Variants in NET1 observed in about 807,000 individuals in gnomAD.
The protein encoded by NET1 is neuroepithelial cell-transforming gene 1 protein.
A neutral mutation model predicts 61.1 loss-of-function variants in NET1; 42 were observed. That is an observed-to-expected ratio of 0.69 (90% CI 0.54 to 0.89). The LOEUF (loss-of-function observed/expected upper bound fraction) is 0.89, where lower values mean the gene tolerates loss of function less well. Among genes scored for constraint, NET1 ranks in the 40% least tolerant of loss-of-function variants. The pLI is 0.00. For synonymous variants in NET1, 254 were observed against 281.8 expected (o/e 0.90, Z 0.99); for missense variants, 654 against 747.3 (o/e 0.88, Z 1.46).
Position 5,421,800 on chromosome 10 carries a change from G to A in NET1, c.129-4855G>A, listed in dbSNP as rs1588424259. On this transcript the variant is annotated intron_variant, in intron 1 of 11. Transcript: ENST00000355029. The surrounding 1 kb of genome is among the most constrained non-coding windows in gnomAD (Gnocchi z 4.2). Reference sequence around the variant, plus strand: ...ATCCCTGCTCCCACCCCAGCCCTAGGCAGCCACTGATCTGCTTTCTAGCTC... The same window carrying A: ...ATCCCTGCTCCCACCCCAGCCCTAGACAGCCACTGATCTGCTTTCTAGCTC... Among the ~76,000 whole-genome samples, 1 of 152,060 alleles carries A rather than the reference G, an allele frequency of 6.6e-6. No homozygotes were observed. Among genetic ancestry groups the A allele is most frequent in the South Asian group, 2.1e-4 (1 of 4,820 alleles).
rs1832620015 is a variant in NET1 at position 5,446,785 on chromosome 10, C to G, written c.256-5045C>G. The G allele has an allele frequency of 6.2e-7, 1 of 1,607,446 alleles. No individual in the cohort carries two copies. Among genetic ancestry groups the G allele is most frequent in the Non-Finnish European group, 8.5e-7 (1 of 1,176,186 alleles). On this transcript the variant is annotated intron_variant, in intron 3 of 11. Coordinates refer to ENST00000355029, the MANE Select transcript of NET1 (RefSeq NM_001047160.3). The surrounding 1 kb of genome is among the most constrained non-coding windows in gnomAD (Gnocchi z 5.0). ...GGAAGCATGGTGGCACATGATGAGA[C>G]TGGAGGTCTCCTACCTATTAAAAGG...
At chr10:5,438,785 A>G (rs1402679068) in intron 3 of NET1, among the ~76,000 whole-genome samples, 1 of 152,260 alleles carries the variant, frequency 6.6e-6, no homozygotes, top group East Asian at 1.9e-4. Context: ...ACAAGAAAAG[A>G]AAACTATAGA....
Position 5,423,323 on chromosome 10 carries a change from A to G in NET1, c.129-3332A>G, listed in dbSNP as rs534290011. Among the ~76,000 whole-genome samples the G allele has an allele frequency of 4.9e-4, 74 of 152,336 alleles. 1 individual carries two copies. The highest frequency in any genetic ancestry group is 1.2e-3 in the South Asian group (6 of 4,826). ...GGAGGAGGTGGTGACACAAATCAGA[A>G]ACTCTGAAAACATAATTTGGCTTAA... On this transcript the variant is annotated intron_variant, in intron 1 of 11. Transcript: ENST00000355029. This position sits in a 1 kb window ranked among gnomAD's most constrained non-coding sequence, Gnocchi z 4.4.
rs1832752483 is a variant in NET1 at position 5,453,955 on chromosome 10, C to CT, written c.769-310_769-309insT. 6.6e-6 allele frequency among the ~76,000 whole-genome samples: 1 copy of CT among 152,160 alleles called. No individual in the cohort carries two copies. Among genetic ancestry groups the CT allele is most frequent in the East Asian group, 1.9e-4 (1 of 5,192 alleles). On this transcript the variant is annotated intron_variant, in intron 8 of 11. Transcript: ENST00000355029. The surrounding 1 kb of genome is among the most constrained non-coding windows in gnomAD (Gnocchi z 4.9). ...GTGAAGGAATAGCCAAGCACATAAA[C>CT]AGTCTCAGGGCTGGTGGCAAATGGA...
chr10:5,418,147 T>A (rs1832111680), intron 1 of NET1, among the ~76,000 whole-genome samples: 1 of 152,182 alleles, frequency 6.6e-6, no homozygotes, highest in Admixed American at 6.5e-5. Context: ...GTTTTGGTAT[T>A]GGGATAATAC....
chr10:5,414,671 TAAGA>T (rs1293895135), intron 1 of NET1, among the ~76,000 whole-genome samples: 1 of 152,192 alleles, frequency 6.6e-6, no homozygotes, highest in Non-Finnish European at 1.5e-5. Context: ...GATAGACTCT[TAAGA>T]AAGAATAAAT....
In NET1 at chr10:5,451,697, AACTCTT is replaced by A; in HGVS notation, c.256-129_256-124del. On this transcript the variant is annotated intron_variant, in intron 3 of 11. Transcript: ENST00000355029. The surrounding 1 kb of genome is among the most constrained non-coding windows in gnomAD (Gnocchi z 6.1). Reference sequence around the variant, plus strand: ...TCTTATTGTTTTGACAATGAAGAACAACTCTTACTTTCATGTTTCTGTATTTTATAA... The same window carrying A: ...TCTTATTGTTTTGACAATGAAGAACAACTTTCATGTTTCTGTATTTTATAA... 1.7e-6 allele frequency: 1 copy of A among 583,298 alleles called. No homozygotes were observed. Among genetic ancestry groups the A allele is most frequent in the Non-Finnish European group, 2.9e-6 (1 of 340,054 alleles). The allele number at this position is 583,298 out of a possible 1,614,324, so 36.1% of individuals were successfully genotyped here.
rs200860140 is a variant in NET1, at chr10:5,452,895, T to A, written c.569T>A (p.Ile190Asn). 1 of 1,613,370 alleles carries A rather than the reference T, an allele frequency of 6.2e-7. No homozygotes were observed. Among genetic ancestry groups the A allele is most frequent in the Non-Finnish European group, 8.5e-7 (1 of 1,179,418 alleles). The change falls in exon 6 of 12, where the codon ATT (isoleucine) becomes AAT (asparagine). Residue 190 changes from isoleucine to asparagine, a missense_variant. Transcript: ENST00000355029. This position sits in a 1 kb window ranked among gnomAD's most constrained non-coding sequence, Gnocchi z 4.0. ...ATGTCCCGAGGTGAACAGGATTTAA[T>A]TGAGGATCTCAAACTTGCAAGAAAG... ...YEMSRGEQDL[I>N]EDLKLARKAY... is the part of the protein sequence containing the mutation.
At chr10:5,429,129 A>C in intron 2 of NET1, 41 bp from the exon 3 acceptor site, 6 of 1,382,786 alleles carry the variant, frequency 4.3e-6, no homozygotes, top group Non-Finnish European at 6.1e-6. Flanking sequence ...GGTAATATGC[A>C]TTCCTTTTAT....
intron 3 of NET1, among the ~76,000 whole-genome samples, chr10:5,430,783 GTTTT>G (rs1189063691): frequency 1.3e-5 from 2 of 151,262 alleles, no homozygotes; most frequent in African/African-American, 4.9e-5. Context: ...TTTTTGTGGG[GTTTT>G]TTGTTTGTTT....
rs1832414682 is a variant in NET1, at chr10:5,435,512, GATAGATAGATAGATAGATAGACAGA to G, written c.255+6284_255+6308del. Among the ~76,000 whole-genome samples, 1 of 14,198 alleles carries G rather than the reference GATAGATAGATAGATAGATAGACAGA, an allele frequency of 7.0e-5. No individual in the cohort carries two copies. Among genetic ancestry groups the G allele is most frequent in the Non-Finnish European group, 1.9e-4 (1 of 5,404 alleles). 9.3% of individuals were successfully genotyped at this position (14,198 alleles called of 152,430 possible). On this transcript the variant is annotated intron_variant, in intron 3 of 11. Coordinates refer to ENST00000355029, the MANE Select transcript of NET1 (RefSeq NM_001047160.3). The surrounding 1 kb of genome is among the most constrained non-coding windows in gnomAD (Gnocchi z 5.0). Reference sequence around the variant, plus strand: ...AGATAGATAGATAGATAGATAGATAGATAGATAGATAGATAGATAGACAGACAGACAGATAGATAGATAGATAGAT... The same window carrying G: ...AGATAGATAGATAGATAGATAGATAGCAGACAGATAGATAGATAGATAGAT...
Position 5,422,050 on chromosome 10 carries a change from G to A in NET1, c.129-4605G>A, listed in dbSNP as rs888468306. On this transcript the variant is annotated intron_variant, in intron 1 of 11. Transcript: ENST00000355029. This position sits in a 1 kb window ranked among gnomAD's most constrained non-coding sequence, Gnocchi z 4.1. Reference sequence around the variant, plus strand: ...TGCTGCTATGAACATTTGCATGTAAGTCTTAGTGTAGGCTGGGCGCGGTGG... The same window carrying A: ...TGCTGCTATGAACATTTGCATGTAAATCTTAGTGTAGGCTGGGCGCGGTGG... 3.9e-5 allele frequency among the ~76,000 whole-genome samples: 6 copies of A among 152,200 alleles called. No homozygotes were observed. The highest frequency in any genetic ancestry group is 1.3e-4 in the Admixed American group (2 of 15,280).
In NET1 at chr10:5,424,777, G is replaced by A; in HGVS notation, c.129-1878G>A. 6.6e-6 allele frequency among the ~76,000 whole-genome samples: 1 copy of A among 152,104 alleles called. No homozygotes were observed. The highest frequency in any genetic ancestry group is 2.4e-5 in the African/African-American group (1 of 41,416). The stretch of plus-strand genomic sequence containing the variant: ...CAGGTCAAGAACCTTGGTAATAACT[G>A]AACAGGTTTAGGGAGGAAAAGGGGA... On this transcript the variant is annotated intron_variant, in intron 1 of 11. Coordinates refer to ENST00000355029, the MANE Select transcript of NET1 (RefSeq NM_001047160.3). The surrounding 1 kb of genome is among the most constrained non-coding windows in gnomAD (Gnocchi z 6.1).
In NET1 at chr10:5,449,160, G is replaced by C. The variant is rs889576435; in HGVS notation, c.256-2670G>C. Among the ~76,000 whole-genome samples, 1 of 152,084 alleles carries C rather than the reference G, an allele frequency of 6.6e-6. No homozygotes were observed. The highest frequency in any genetic ancestry group is 1.5e-5 in the Non-Finnish European group (1 of 68,020). ...TAGTATATGTATCCTGAAATTAGTA[G>C]CAGCATTATACCTTTACATTTCATA... On this transcript the variant is annotated intron_variant, in intron 3 of 11. Coordinates refer to ENST00000355029, the MANE Select transcript of NET1 (RefSeq NM_001047160.3). This position sits in a 1 kb window ranked among gnomAD's most constrained non-coding sequence, Gnocchi z 4.4.
At chr10:5,450,011 G>C (rs1832679008) in intron 3 of NET1, among the ~76,000 whole-genome samples, 1 of 152,134 alleles carries the variant, frequency 6.6e-6, no homozygotes, top group Admixed American at 6.5e-5. Context: ...GACTCTTTGT[G>C]CTGTCTTTAC....
intron 3 of NET1, among the ~76,000 whole-genome samples, chr10:5,438,081 T>C (rs564826835): frequency 1.3e-5 from 2 of 152,186 alleles, no homozygotes; most frequent in African/African-American, 2.4e-5. Flanking sequence ...CTAAAACTTA[T>C]GGAATGCAAC....
intron 3 of NET1, among the ~76,000 whole-genome samples, chr10:5,430,224 A>G (rs1209725533): frequency 6.6e-6 from 1 of 152,236 alleles, no homozygotes; most frequent in Non-Finnish European, 1.5e-5. Context: ...AAATACAGAA[A>G]TAGTATTTGT....
chr10:5,454,371 G>T lies in NET1; in HGVS notation c.875G>T (p.Arg292Leu), dbSNP rs770265697. The change falls in exon 9 of 12, where the codon CGA (arginine) becomes CTA (leucine). Residue 292 changes from arginine to leucine, a missense_variant. Physicochemically the swap from Arg to Leu is moderately radical, Grantham distance 102 (BLOSUM62 -2). Coordinates refer to ENST00000355029, the MANE Select transcript of NET1 (RefSeq NM_001047160.3). This position sits in a 1 kb window ranked among gnomAD's most constrained non-coding sequence, Gnocchi z 8.1. ...CCAAGAGTCCAAGACTTCCTCCAGCGATGTCTCGAGTCTCCCTTCAGTCGA... is the reference window on the plus strand; with the variant it reads ...CCAAGAGTCCAAGACTTCCTCCAGCTATGTCTCGAGTCTCCCTTCAGTCGA... ...QDPRVQDFLQRCLESPFSRKL... is the reference protein window; with the variant it reads ...QDPRVQDFLQLCLESPFSRKL... 1 of 1,614,114 alleles carries T rather than the reference G, an allele frequency of 6.2e-7. No homozygotes were observed. The highest frequency in any genetic ancestry group is 8.5e-7 in the Non-Finnish European group (1 of 1,180,022).
intron 3 of NET1, among the ~76,000 whole-genome samples, chr10:5,436,189 TGTG>T (rs1832430028): frequency 8.2e-4 from 12 of 14,616 alleles, no homozygotes; most frequent in African/African-American, 3.4e-3. Context: ...GTGTGTGTTG[TGTG>T]TGTGTGTGTG....
Sources: allele counts gnomAD v4.1 joint callset (sites outside exome capture counted in the v4.1 genomes callset), GRCh38; gene constraint gnomAD v4.1.1; non-coding constraint Gnocchi (gnomAD v3.1); transcripts MANE v1.5; gene names NCBI Gene and HGNC (gene_info 2026-07-23, HGNC 2026-07-21).